The following SF3A3 variants were observed in gnomAD, a reference collection of about 807,000 sequenced individuals.
The protein encoded by SF3A3 is splicing factor 3a subunit 3.
SF3A3 carries 9 observed loss-of-function variants against 85.8 expected under a neutral mutation model. The ratio of observed to expected loss-of-function variants is 0.10; its 90% CI spans 0.06 to 0.18. SF3A3 has a LOEUF of 0.18. Ranked by LOEUF, SF3A3 falls within the 10% of genes least tolerant of loss-of-function variation. The pLI is 1.00. For synonymous variants in SF3A3, 195 were observed against 204.4 expected, an observed-to-expected ratio of 0.95 and a Z score of 0.39; for missense variants, 306 against 593.3, an observed-to-expected ratio of 0.52 and a Z score of 5.03.
At chr1:37,974,168 C>G (rs1570462046) in intron 12 of SF3A3, among the ~76,000 whole-genome samples, 1 of 151,580 alleles carries the variant, frequency 6.6e-6, no homozygotes, top group Non-Finnish European at 1.5e-5. Flanking sequence ...CAACATGGCA[C>G]ATGTACACAT....
chr1:37,981,614 G>T (rs1646419428), intron 7 of SF3A3, 115 bp downstream of exon 7: 1 of 699,284 alleles, frequency 1.4e-6, no homozygotes. Flanking sequence ...CAATAAACCT[G>T]GAAGTATGCC....
chr1:37,958,266 G>A lies in SF3A3; in HGVS notation c.1429-3C>T, dbSNP rs760473343. 5.6e-6 allele frequency: 9 copies of A among 1,599,456 alleles called. No homozygotes were observed. In the South Asian group the frequency reaches 9.9e-5, roughly 18 times the overall value. Reference sequence around the variant, plus strand: ...CCACTTGAGTCTTCATATTCTTCCTGAAAAGGAAGGGGTACACTTTGTTAG... The same window carrying A: ...CCACTTGAGTCTTCATATTCTTCCTAAAAAGGAAGGGGTACACTTTGTTAG... On this transcript the variant is annotated splice_region_variant and splice_polypyrimidine_tract_variant and intron_variant, in intron 16 of 16. Transcript: ENST00000373019.
intron 12 of SF3A3, among the ~76,000 whole-genome samples, chr1:37,971,218 C>T: frequency 6.9e-6 from 1 of 144,944 alleles, no homozygotes; most frequent in Non-Finnish European, 1.5e-5. Context: ...TCAGAGAATA[C>T]TATAAACACC....
intron 8 of SF3A3, 44 bp from the exon 9 acceptor site, chr1:37,979,577 C>A: frequency 2.0e-6 from 3 of 1,510,804 alleles, no homozygotes; most frequent in Non-Finnish European, 1.8e-6. Context: ...AGGTTTAGGC[C>A]AGGTGTGGTG....
At chr1:37,970,142 A>G (rs1646328369) in intron 12 of SF3A3, among the ~76,000 whole-genome samples, 2 of 152,134 alleles carry the variant, frequency 1.3e-5, no homozygotes, top group South Asian at 4.2e-4. Flanking sequence ...TCATCTCTAC[A>G]AAACATTTAC....
At chr1:37,960,015 CGCT>C in intron 16 of SF3A3, 102 bp downstream of exon 16, 1 of 772,424 alleles carries the variant, frequency 1.3e-6, no homozygotes, top group Non-Finnish European at 2.2e-6. Context: ...ACATTCTACT[CGCT>C]GCTGCAGTAC....
chr1:37,985,078 G>A lies in SF3A3; in HGVS notation c.304-299C>T, dbSNP rs557507989. On this transcript the variant is annotated intron_variant, in intron 4 of 16. Coordinates refer to ENST00000373019, the MANE Select transcript of SF3A3 (RefSeq NM_006802.4). ...CCACCTTGGCCTCCCAAAGTGCTGGGATTACAGGCATGAGCCACTGTGCCT... is the reference window on the plus strand; with the variant it reads ...CCACCTTGGCCTCCCAAAGTGCTGGAATTACAGGCATGAGCCACTGTGCCT... 2.0e-5 allele frequency among the ~76,000 whole-genome samples: 3 copies of A among 152,326 alleles called. No individual in the cohort carries two copies. In the East Asian group the frequency reaches 5.8e-4, roughly 29 times the overall value.
chr1:37,973,538 C>T (rs927435402), intron 12 of SF3A3, among the ~76,000 whole-genome samples: 5 of 152,206 alleles, frequency 3.3e-5, no homozygotes, highest in African/African-American at 4.8e-5. Context: ...GAGATACCAT[C>T]TCACACCAGT....
rs770387059 is a variant in SF3A3 at position 37,981,636 on chromosome 1, C to T, written c.551+93G>A. ...CCTGGAAGTATGCCTTCATGTATGC[C>T]TTCCAGGCAACAAATTCAGAACTTC... On this transcript the variant is annotated intron_variant, in intron 7 of 16. Coordinates refer to ENST00000373019, the MANE Select transcript of SF3A3 (RefSeq NM_006802.4). 1.3e-4 allele frequency: 107 copies of T among 816,730 alleles called. 1 individual carries two copies. The highest frequency in any genetic ancestry group is 2.0e-4 in the Non-Finnish European group (93 of 474,608). 50.6% of individuals were successfully genotyped at this position (816,730 alleles called of 1,614,324 possible).
intron 11 of SF3A3, among the ~76,000 whole-genome samples, chr1:37,978,457 C>T (rs1198966520): frequency 6.6e-6 from 1 of 151,722 alleles, no homozygotes; most frequent in Non-Finnish European, 1.5e-5. Flanking sequence ...GCCTTTTAGC[C>T]TCCATAACCT....
In SF3A3 at chr1:37,989,949, T is replaced by C; in HGVS notation, c.17A>G (p.Glu6Gly). Residue 6 changes from glutamate (E) to glycine (G), a missense_variant, in exon 1 of 17, where the codon GAG becomes GGG. By Grantham distance (98) the Glu-to-Gly change is moderately conservative. Coordinates refer to ENST00000373019, the MANE Select transcript of SF3A3 (RefSeq NM_006802.4). METIL[E>G]QQRRYHEEKE... ...CTCCTCATGATAGCGCCGCTGCTGC[T>C]CCAGTATTGTCTCCATCTTCCCTTA... is the stretch of plus-strand genomic sequence containing the variant. 1 of 1,611,934 alleles carries C rather than the reference T, an allele frequency of 6.2e-7. No homozygotes were observed. Among genetic ancestry groups the C allele is most frequent in the Non-Finnish European group, 8.5e-7 (1 of 1,179,564 alleles).
At position 37,981,820 on chromosome 1, in the gene SF3A3, A is replaced by T. The variant is rs1646420714; in HGVS notation, c.469-9T>A. 6.6e-6 allele frequency: 10 copies of T among 1,513,144 alleles called. No individual in the cohort carries two copies. The highest frequency in any genetic ancestry group is 9.1e-6 in the Non-Finnish European group (10 of 1,101,718). The allele number at this position is 1,513,144 out of a possible 1,614,324, so 93.7% of individuals were successfully genotyped here. A position where few individuals can be genotyped will look rare whatever the true frequency, so the allele number is the denominator to read the frequency against. ...GTGATATAATCCAGCTTCTGAAAAGAGGAAAGAAATGACAAGAAATTCAGT... is the reference window on the plus strand; with the variant it reads ...GTGATATAATCCAGCTTCTGAAAAGTGGAAAGAAATGACAAGAAATTCAGT... On this transcript the variant is annotated splice_polypyrimidine_tract_variant and intron_variant, in intron 6 of 16. Coordinates refer to ENST00000373019, the MANE Select transcript of SF3A3 (RefSeq NM_006802.4).
chr1:37,969,299 A>C, intron 14 of SF3A3, 55 bp downstream of exon 14: 1 of 1,331,362 alleles, frequency 7.5e-7, no homozygotes. Flanking sequence ...TCTTTTCTCT[A>C]AAAGTCTCAT....
intron 12 of SF3A3, among the ~76,000 whole-genome samples, chr1:37,974,492 C>T (rs186882352): frequency 7.0e-4 from 107 of 152,130 alleles, no homozygotes; most frequent in African/African-American, 2.4e-3. Context: ...TTAGTAGAGA[C>T]AGGGTTTCAC....
At position 37,962,215 on chromosome 1, in the gene SF3A3, G is replaced by A. The variant is rs777477916; in HGVS notation, c.1373-2040C>T. Among the ~76,000 whole-genome samples, 13 of 136,992 alleles carry A rather than the reference G, an allele frequency of 9.5e-5. No individual in the cohort carries two copies. The South Asian group carries it at 1.4e-3, about 15-fold the overall frequency. The allele number at this position is 136,992 out of a possible 152,430, so 89.9% of individuals were successfully genotyped here. On this transcript the variant is annotated intron_variant, in intron 15 of 16. Transcript: ENST00000373019. ...TTACTATGTGACAGGGCAGTACCCTGTCATGTTCTTTGCCAAAGCCCTTCA... is the reference window on the plus strand; with the variant it reads ...TTACTATGTGACAGGGCAGTACCCTATCATGTTCTTTGCCAAAGCCCTTCA...
intron 8 of SF3A3, among the ~76,000 whole-genome samples, 159 bp downstream of exon 8, chr1:37,980,427 A>G (rs2148722479): frequency 6.7e-6 from 1 of 150,322 alleles, no homozygotes; most frequent in South Asian, 2.1e-4. Flanking sequence ...TCCGTCTCCA[A>G]AAAAAAAAAA....
chr1:37,978,515 TCTCA>T (rs967517361), intron 11 of SF3A3, among the ~76,000 whole-genome samples: 1 of 152,134 alleles, frequency 6.6e-6, no homozygotes, highest in African/African-American at 2.4e-5. Context: ...CTTGATGTGC[TCTCA>T]ATCAGATGAA....
At chr1:37,978,629 A>G in intron 11 of SF3A3, 91 bp downstream of exon 11, 1 of 728,634 alleles carries the variant, frequency 1.4e-6, no homozygotes, top group Non-Finnish European at 2.3e-6. Context: ...ACGGAGATAA[A>G]GCAGGCTTTA....
At chr1:37,989,260 A>T (rs1303973406) in intron 2 of SF3A3, among the ~76,000 whole-genome samples, 4 of 151,526 alleles carry the variant, frequency 2.6e-5, no homozygotes, top group African/African-American at 9.7e-5. Context: ...GCGCCACTGC[A>T]CTCCAGCCTA....
Sources: gnomAD v4.1 joint callset for allele counts (sites outside exome capture counted in the v4.1 genomes callset) on GRCh38, gnomAD v4.1.1 for gene constraint, MANE v1.5 for transcripts, NCBI Gene and HGNC (gene_info 2026-07-23, HGNC 2026-07-21) for gene names.